Variants in SLC39A5 observed in about 807,000 individuals in gnomAD.
SLC39A5 encodes solute carrier family 39 member 5, also known as zinc transporter ZIP5.
Under a neutral mutation model 46.9 loss-of-function variants are expected in SLC39A5, and 42 were observed. That is an observed-to-expected ratio of 0.90 (90% CI 0.70 to 1.16). SLC39A5 has a LOEUF of 1.16. SLC39A5 is among the 50% of genes most tolerant of loss of function. The pLI is 0.00. For missense variants in SLC39A5, 677 were observed against 686.8 expected, an observed-to-expected ratio of 0.99 and a Z score of 0.16; for synonymous variants, 311 against 323.1, an observed-to-expected ratio of 0.96 and a Z score of 0.40.
chr12:56,236,821 G>A (rs1049739626), intron 10 of SLC39A5, 75 bp downstream of exon 10: 2 of 1,583,186 alleles, frequency 1.3e-6, no homozygotes, highest in Non-Finnish European at 1.7e-6. Flanking sequence ...GGGGCTAGGA[G>A]AGGGCCGTCA....
In SLC39A5 at chr12:56,237,264, T is replaced by C. The variant is rs1870898097; in HGVS notation, c.1403T>C (p.Leu468Pro). 6.2e-7 allele frequency: 1 copy of C among 1,613,774 alleles called. No homozygotes were observed. ...GGAVLGVGLS[L>P]GPVPLTPWVF... ...GCAGTCCTGGGGGTGGGGCTCAGCC[T>C]GGGCCCTGTCCCCCTCACTCCCTGG... is the stretch of plus-strand genomic sequence containing the variant. The change falls in exon 12 of 13, where the codon CTG becomes CCG. Residue 468 changes from leucine to proline, a missense_variant. By Grantham distance (98) the Leu-to-Pro change is moderately conservative. Transcript: ENST00000454355.
chr12:56,236,567 T>C lies in SLC39A5; in HGVS notation c.1043-15T>C. ...ACTTGCAGCCACCAACACTGTCCTGTGCTTCTTCCCGCAGAGCCAGGGGCT... is the reference window on the plus strand; with the variant it reads ...ACTTGCAGCCACCAACACTGTCCTGCGCTTCTTCCCGCAGAGCCAGGGGCT... On this transcript the variant is annotated splice_polypyrimidine_tract_variant and intron_variant, in intron 9 of 12. Coordinates refer to ENST00000454355, the MANE Select transcript of SLC39A5 (RefSeq NM_173596.3). The C allele has an allele frequency of 1.2e-6, 2 of 1,613,260 alleles. No individual in the cohort carries two copies. Among genetic ancestry groups the C allele is most frequent in the Non-Finnish European group, 1.7e-6 (2 of 1,179,330 alleles).
chr12:56,232,893 A>T, intron 5 of SLC39A5, 21 bp downstream of exon 5: 1 of 1,593,976 alleles, frequency 6.3e-7, no homozygotes, highest in African/African-American at 1.4e-5. Context: ...CGGTCTCTAG[A>T]GGGGAAGGAG....
intron 5 of SLC39A5, 72 bp downstream of exon 5, chr12:56,232,944 GT>G (rs1436419614): frequency 2.7e-6 from 4 of 1,477,636 alleles, no homozygotes; most frequent in African/African-American, 1.5e-5. Flanking sequence ...ATAATCAGTA[GT>G]TTTTTGTTTT....
Position 56,237,208 on chromosome 12 carries a change from C to T in SLC39A5, c.1347C>T (p.Ser449=). The T allele has an allele frequency of 6.2e-7, 1 of 1,613,878 alleles. No individual in the cohort carries two copies. Among genetic ancestry groups the T allele is most frequent in the East Asian group, 2.2e-5 (1 of 44,866 alleles). ...CCTTTCGGCGGCTGCTGCTGCTGAG[C>T]CTCGTGTCTGGAGCCCTGGGATTGG... ...GLSFRRLLLL[S]LVSGALGLGG... The change falls in exon 12 of 13, where the codon AGC becomes AGT. Residue 449 remains serine, a synonymous_variant. Coordinates refer to ENST00000454355, the MANE Select transcript of SLC39A5 (RefSeq NM_173596.3).
chr12:56,235,372 G>T, intron 7 of SLC39A5, 46 bp downstream of exon 7: 1 of 1,507,448 alleles, frequency 6.6e-7, no homozygotes, highest in South Asian at 1.3e-5. Flanking sequence ...ATGGATCTAA[G>T]GTGTCCCCAG....
At chr12:56,237,101 A>C in intron 11 of SLC39A5, 49 bp from the exon 12 acceptor site, 1 of 1,611,660 alleles carries the variant, frequency 6.2e-7, no homozygotes, top group Non-Finnish European at 8.5e-7. Context: ...GGCATGGATG[A>C]GGGGCACCCC....
chr12:56,237,668 C>T lies in SLC39A5; in HGVS notation c.1560C>T (p.Gly520=), dbSNP rs376019241. Residue 520 remains glycine (G), a synonymous_variant, in exon 13 of 13, where the codon GGC becomes GGT. Transcript: ENST00000454355. The part of the protein sequence containing the change: ...LLQGLGLLLG[G]GLMLAITLLE... The stretch of plus-strand genomic sequence containing the variant: ...AGGGGCTGGGGCTGCTGCTGGGGGG[C>T]GGCCTCATGCTTGCCATAACCCTGC... 203 of 1,607,210 alleles carry T rather than the reference C, an allele frequency of 1.3e-4. No individual in the cohort carries two copies. Among genetic ancestry groups the T allele is most frequent in the Admixed American group, 4.1e-4 (24 of 58,776 alleles).
Position 56,234,825 on chromosome 12 carries a change from G to A in SLC39A5, c.473G>A (p.Cys158Tyr). 6.2e-7 allele frequency: 1 copy of A among 1,613,554 alleles called. No homozygotes were observed. The highest frequency in any genetic ancestry group is 1.1e-5 in the South Asian group (1 of 91,084). ...HSLADHLNED[C>Y]LNGSQLLVNF... Reference sequence around the variant, plus strand: ...AATGTATGACCCTCAATTCTCCAGTGTCTGAACGGCTCCCAGCTGCTGGTC... The same window carrying A: ...AATGTATGACCCTCAATTCTCCAGTATCTGAACGGCTCCCAGCTGCTGGTC... Residue 158 changes from cysteine (C) to tyrosine (Y), a missense_variant and splice_region_variant, in exon 6 of 13, where the codon TGT (cysteine) becomes TAT (tyrosine). Transcript: ENST00000454355.
chr12:56,237,771 C>G lies in SLC39A5; in HGVS notation c.*40C>G. 2 of 1,505,110 alleles carry G rather than the reference C, an allele frequency of 1.3e-6. No individual in the cohort carries two copies. Among genetic ancestry groups the G allele is most frequent in the Non-Finnish European group, 1.8e-6 (2 of 1,129,744 alleles). The allele number at this position is 1,505,110 out of a possible 1,614,324, so 93.2% of individuals were successfully genotyped here. On this transcript the variant is annotated 3_prime_UTR_variant, in exon 13 of 13. Transcript: ENST00000454355. ...AGGGGTCGGGTTGCCCTTCCTTCCCCCCAACCACAGGAATGGAGGCGGGAC... is the reference window on the plus strand; with the variant it reads ...AGGGGTCGGGTTGCCCTTCCTTCCCGCCAACCACAGGAATGGAGGCGGGAC...
chr12:56,233,225 T>G (rs570667709), intron 5 of SLC39A5, among the ~76,000 whole-genome samples: 81 of 124,214 alleles, frequency 6.5e-4, no homozygotes, highest in African/African-American at 2.2e-3. Flanking sequence ...ATGGCACCAT[T>G]TGCACTCCAG....
chr12:56,232,260 G>A (rs1439900381), intron 4 of SLC39A5, among the ~76,000 whole-genome samples: 3 of 144,122 alleles, frequency 2.1e-5, no homozygotes, highest in African/African-American at 5.2e-5. Context: ...CTGCCTCCCC[G>A]GTTCAAGCGA....
chr12:56,232,639 G>T, intron 4 of SLC39A5, 50 bp from the exon 5 acceptor site: 1 of 1,519,778 alleles, frequency 6.6e-7, no homozygotes, highest in Non-Finnish European at 8.8e-7. Flanking sequence ...TCTCAAAGCG[G>T]GTTGATAGAG....
rs199624584 is a variant in SLC39A5 at position 56,231,415 on chromosome 12, C to A, written c.141C>A (p.Tyr47Ter). 1.4e-5 allele frequency: 23 copies of A among 1,613,970 alleles called. No individual in the cohort carries two copies. Among genetic ancestry groups the A allele is most frequent in the South Asian group, 3.3e-5 (3 of 91,090 alleles). The part of the protein sequence containing the change: ...NHYLAQLFGL[Y>*]GENGTLTAGG... ...ACCTGGCCCAGCTGTTTGGCCTGTA[C>A]GGCGAGAATGGGACGCTGACTGCAG... Residue 47 changes from tyrosine to a stop codon, truncating the protein, a stop_gained, in exon 4 of 13, where the codon TAC becomes TAA. Coordinates refer to ENST00000454355, the MANE Select transcript of SLC39A5 (RefSeq NM_173596.3). LOFTEE classifies it high-confidence loss of function.
intron 4 of SLC39A5, among the ~76,000 whole-genome samples, chr12:56,232,436 G>A (rs1200231686): frequency 1.3e-5 from 2 of 152,028 alleles, no homozygotes; most frequent in East Asian, 1.9e-4. Context: ...AAAGTGCTGG[G>A]ATTACAGGCG....
At chr12:56,232,908 G>A in intron 5 of SLC39A5, 36 bp downstream of exon 5, 2 of 1,552,522 alleles carry the variant, frequency 1.3e-6, no homozygotes, top group Non-Finnish European at 1.7e-6. Context: ...AAGGAGCCAT[G>A]GGATTAGATG....
rs139149168 is a variant in SLC39A5 at position 56,231,900 on chromosome 12, A to C, written c.287+339A>C. Among the ~76,000 whole-genome samples, 878 of 151,766 alleles carry C rather than the reference A, an allele frequency of 5.8e-3. 4 individuals carry two copies. Among genetic ancestry groups the C allele is most frequent in the Non-Finnish European group, 8.0e-3 (546 of 67,914 alleles). On this transcript the variant is annotated intron_variant, in intron 4 of 12. Coordinates refer to ENST00000454355, the MANE Select transcript of SLC39A5 (RefSeq NM_173596.3). The stretch of plus-strand genomic sequence containing the variant: ...ACCACCACAGCCGGCTAATTTTAAA[A>C]ATTTTTTACAGAGACAAGGGTTTCG...
chr12:56,231,246 C>T lies in SLC39A5; in HGVS notation c.-29C>T. ...GTTTCGGGGAGAATAGGAGCCAGAA[C>T]CTGAGCCCCTAAGCTATTCCCCTCA... On this transcript the variant is annotated 5_prime_UTR_variant, in exon 4 of 13. Coordinates refer to ENST00000454355, the MANE Select transcript of SLC39A5 (RefSeq NM_173596.3). 2 of 1,558,656 alleles carry T rather than the reference C, an allele frequency of 1.3e-6. No individual in the cohort carries two copies. Among genetic ancestry groups the T allele is most frequent in the Non-Finnish European group, 1.7e-6 (2 of 1,152,376 alleles).
chr12:56,236,502 G>A lies in SLC39A5; in HGVS notation c.1042+10G>A. 3 of 1,614,222 alleles carry A rather than the reference G, an allele frequency of 1.9e-6. No individual in the cohort carries two copies. Among genetic ancestry groups the A allele is most frequent in the Non-Finnish European group, 2.5e-6 (3 of 1,180,038 alleles). On this transcript the variant is annotated intron_variant, in intron 9 of 12. Transcript: ENST00000454355. Reference sequence around the variant, plus strand: ...CTACAGGCAGCTCCAGGTGACTAGAGGAGAAAATTTGAAGAGTAGGTTCCA... The same window carrying A: ...CTACAGGCAGCTCCAGGTGACTAGAAGAGAAAATTTGAAGAGTAGGTTCCA...
Sources: allele counts gnomAD v4.1 joint callset (sites outside exome capture counted in the v4.1 genomes callset), GRCh38; gene constraint gnomAD v4.1.1; transcripts MANE v1.5; gene names NCBI Gene and HGNC (gene_info 2026-07-23, HGNC 2026-07-21).